Variants in LRRC7 observed in about 807,000 individuals in gnomAD.
The protein encoded by LRRC7 is leucine rich repeat containing 7.
LRRC7 carries 23 observed loss-of-function variants against 175.7 expected under a neutral mutation model. That is an observed-to-expected ratio of 0.13 (90% CI 0.09 to 0.19). The LOEUF (loss-of-function observed/expected upper bound fraction) is 0.19. LRRC7 is among the 10% of genes least tolerant of loss of function. The probability of loss-of-function intolerance (pLI) is 1.00; values close to 1 mark genes in which losing one functional copy is unlikely to be tolerated. For missense variants in LRRC7, 1,354 were observed against 1,904.7 expected (o/e 0.71, Z 5.38); for synonymous variants, 685 against 680.9 (o/e 1.01, Z -0.09).
chr1:69,620,627 C>A (rs572192681), intron 1 of LRRC7, among the ~76,000 whole-genome samples: 2 of 152,288 alleles, frequency 1.3e-5, no homozygotes, highest in South Asian at 2.1e-4. Context: ...TACTAGTGAG[C>A]ACTGACCATC....
At chr1:69,812,402 C>T (rs1043531764) in intron 4 of LRRC7, among the ~76,000 whole-genome samples, 2 of 152,076 alleles carry the variant, frequency 1.3e-5, no homozygotes, top group African/African-American at 4.8e-5. Flanking sequence ...AATCACTTTA[C>T]AAAATTATTG....
chr1:69,614,934 G>C (rs1472890202), intron 1 of LRRC7, among the ~76,000 whole-genome samples: 1 of 151,990 alleles, frequency 6.6e-6, no homozygotes, highest in Non-Finnish European at 1.5e-5. Flanking sequence ...CACCTAACAG[G>C]ATAAAACTAG....
chr1:69,893,613 T>C (rs567044376), intron 7 of LRRC7, among the ~76,000 whole-genome samples: 28 of 152,328 alleles, frequency 1.8e-4, no homozygotes, highest in African/African-American at 6.3e-4. Flanking sequence ...CTTTGAAATG[T>C]AAATTATTTC....
At chr1:69,688,558 T>G (rs548197556) in intron 2 of LRRC7, among the ~76,000 whole-genome samples, 30 of 152,224 alleles carry the variant, frequency 2.0e-4, no homozygotes, top group Non-Finnish European at 3.5e-4. Context: ...TGTTCTGCAG[T>G]TATGAACCTC....
rs1254323726 is a variant in LRRC7, at chr1:70,038,649, G to A, written c.2825G>A (p.Ser942Asn). The A allele has an allele frequency of 6.2e-7, 1 of 1,613,994 alleles. No homozygotes were observed. Among genetic ancestry groups the A allele is most frequent in the Non-Finnish European group, 8.5e-7 (1 of 1,180,008 alleles). ...TATCATGATTCCAATCCCAACAGGA[G>A]TCTTAGTAATGTCTTTTCTCAAATC... ...WEYHDSNPNR[S>N]LSNVFSQIHC... The change falls in exon 21 of 27, where the codon AGT becomes AAT. Residue 942 changes from serine (S) to asparagine (N), a missense_variant. Physicochemically the swap from Ser to Asn is conservative, Grantham distance 46. Coordinates refer to ENST00000651989, the MANE Select transcript of LRRC7 (RefSeq NM_001370785.2).
At chr1:69,741,015 A>G (rs1364959208) in intron 2 of LRRC7, among the ~76,000 whole-genome samples, 1 of 151,994 alleles carries the variant, frequency 6.6e-6, no homozygotes, top group Non-Finnish European at 1.5e-5. Flanking sequence ...TTTATTAAGT[A>G]TCCATTATAT....
intron 1 of LRRC7, among the ~76,000 whole-genome samples, chr1:69,589,649 T>A (rs570161446): frequency 6.6e-6 from 1 of 152,288 alleles, no homozygotes; most frequent in East Asian, 1.9e-4. Flanking sequence ...AATATTTGGA[T>A]GTTTCTGCCA....
chr1:69,889,838 AGAG>A lies in LRRC7; in HGVS notation c.648-41645_648-41643del, dbSNP rs60974303. On this transcript the variant is annotated intron_variant, in intron 7 of 26. Transcript: ENST00000651989. ...AGTAAGGAGATAGAGAAGAAGAAGG[AGAG>A]GAGGAGGAGGAGGAGGAGGAGGAAA... is the stretch of plus-strand genomic sequence containing the variant. Among the ~76,000 whole-genome samples, 169 of 151,078 alleles carry A rather than the reference AGAG, an allele frequency of 1.1e-3. 2 individuals are homozygous for A. Among genetic ancestry groups the A allele is most frequent in the African/African-American group, 3.3e-3 (134 of 41,032 alleles).
intron 1 of LRRC7, among the ~76,000 whole-genome samples, chr1:69,606,312 A>G (rs1647559131): frequency 6.6e-6 from 1 of 152,108 alleles, no homozygotes; most frequent in Non-Finnish European, 1.5e-5. Context: ...GATGTCATAC[A>G]TTTTGTCTGA....
chr1:69,960,996 A>G (rs571669627), intron 8 of LRRC7, among the ~76,000 whole-genome samples: 1 of 152,190 alleles, frequency 6.6e-6, no homozygotes, highest in African/African-American at 2.4e-5. Flanking sequence ...ATCAGGCAAG[A>G]GAAAGAAATA....
At chr1:69,994,667 C>G (rs1654759167) in intron 11 of LRRC7, 34 bp downstream of exon 11, 5 of 1,447,770 alleles carry the variant, frequency 3.5e-6, no homozygotes, top group Non-Finnish European at 4.8e-6. Context: ...GTCTGCCTCT[C>G]AAAAGCCAGA....
Position 70,036,137 on chromosome 1 carries a change from C to A in LRRC7, c.2012C>A (p.Pro671Gln). Residue 671 changes from proline (P) to glutamine (Q), a missense_variant, in exon 19 of 27, where the codon CCA becomes CAA. This residue lies in a region of LRRC7 where 1,032 missense variants were observed against 1,227.2 expected (regional missense o/e 0.84). Transcript: ENST00000651989. ...ATCTCTCAGGATTCTTTTGTTCATC[C>A]AGCTAATGAAATGAGGATTGGGGAA... Reference protein sequence around the residue: ...EITVEDSFVHPANEMRIGELH... With the variant: ...EITVEDSFVHQANEMRIGELH... 2 of 1,610,882 alleles carry A rather than the reference C, an allele frequency of 1.2e-6. No homozygotes were observed. The highest frequency in any genetic ancestry group is 1.1e-5 in the South Asian group (1 of 90,502).
At chr1:70,100,920 A>C (rs1664759655) in intron 25 of LRRC7, among the ~76,000 whole-genome samples, 1 of 152,158 alleles carries the variant, frequency 6.6e-6, no homozygotes, top group Admixed American at 6.5e-5. Flanking sequence ...GATGCATAGC[A>C]ATTAACCTTA....
chr1:69,782,531 A>C (rs764506393), intron 3 of LRRC7, among the ~76,000 whole-genome samples: 7 of 152,198 alleles, frequency 4.6e-5, no homozygotes, highest in Admixed American at 2.0e-4. Flanking sequence ...GGCAGAGTAC[A>C]CAGGTGCAGA....
rs551067812 is a variant in LRRC7, at chr1:69,712,476, C to T, written c.100+33998C>T. ...AAAATTAGCCAGGCTTGGTGGTGGGCGCCTGTAATCCAAGCTATTCAGGAG... is the reference window on the plus strand; with the variant it reads ...AAAATTAGCCAGGCTTGGTGGTGGGTGCCTGTAATCCAAGCTATTCAGGAG... On this transcript the variant is annotated intron_variant, in intron 2 of 26. Coordinates refer to ENST00000651989, the MANE Select transcript of LRRC7 (RefSeq NM_001370785.2). 3.4e-4 allele frequency among the ~76,000 whole-genome samples: 52 copies of T among 152,064 alleles called. 1 individual carries two copies. The South Asian group carries it at 1.0e-2, about 29-fold the overall frequency.
intron 23 of LRRC7, among the ~76,000 whole-genome samples, chr1:70,074,691 C>T (rs936178524): frequency 3.9e-5 from 6 of 152,078 alleles, no homozygotes; most frequent in Admixed American, 1.3e-4. Context: ...GTCAATTGGA[C>T]GTCTAAAATA....
chr1:69,908,489 C>T (rs1162333836), intron 7 of LRRC7, among the ~76,000 whole-genome samples: 1 of 152,082 alleles, frequency 6.6e-6, no homozygotes, highest in African/African-American at 2.4e-5. Context: ...TTTCAAAGAA[C>T]ATCTTTATTT....
At chr1:69,777,568 T>G (rs1439847100) in intron 3 of LRRC7, among the ~76,000 whole-genome samples, 1 of 152,192 alleles carries the variant, frequency 6.6e-6, no homozygotes, top group Non-Finnish European at 1.5e-5. Flanking sequence ...TACTTGAATA[T>G]TCACACTCAG....
At chr1:69,822,919 T>A in intron 4 of LRRC7, among the ~76,000 whole-genome samples, 1 of 152,220 alleles carries the variant, frequency 6.6e-6, no homozygotes, top group East Asian at 1.9e-4. Context: ...CCATCTTGCT[T>A]ATGTCACTGA....
Sources: allele counts gnomAD v4.1 joint callset (sites outside exome capture counted in the v4.1 genomes callset), GRCh38; gene constraint gnomAD v4.1.1; regional missense constraint gnomAD v4.1.1; transcripts MANE v1.5; gene names NCBI Gene and HGNC (gene_info 2026-07-23, HGNC 2026-07-21).